TXNL4A: variants seen among roughly 807,000 people sequenced by gnomAD.
TXNL4A encodes the protein thioredoxin like 4A.
TXNL4A carries 17 observed loss-of-function variants against 14.6 expected under a neutral mutation model. That is an observed-to-expected ratio of 1.16 (90% CI 0.80 to 1.74). TXNL4A has a LOEUF of 1.74. Among genes scored for constraint, TXNL4A ranks in the 40% most tolerant of loss-of-function variants. The pLI is 0.00. For synonymous variants in TXNL4A, 83 were observed against 70.6 expected (o/e 1.18, Z -0.88); for missense variants, 74 against 195.2 (o/e 0.38, Z 3.70).
chr18:80,005,040 G>A (rs1177357628), intron 1 of TXNL4A, among the ~76,000 whole-genome samples: 6 of 152,250 alleles, frequency 3.9e-5, no homozygotes, highest in Non-Finnish European at 5.9e-5. Context: ...CCGCTTATGT[G>A]AAGTTCAAAC....
At chr18:80,022,096 G>C (rs962331271) in intron 1 of TXNL4A, among the ~76,000 whole-genome samples, 2 of 152,044 alleles carry the variant, frequency 1.3e-5, no homozygotes, top group Admixed American at 1.3e-4. Flanking sequence ...TATTTATTAG[G>C]GTTATTAGAG....
chr18:79,998,409 T>A (rs1329642844), intron 1 of TXNL4A, among the ~76,000 whole-genome samples: 2 of 151,766 alleles, frequency 1.3e-5, no homozygotes, highest in East Asian at 3.9e-4. Flanking sequence ...TGAGGGACAA[T>A]CAGCTGTACA....
intron 1 of TXNL4A, among the ~76,000 whole-genome samples, chr18:80,012,932 C>T (rs1321727399): frequency 9.2e-5 from 14 of 151,788 alleles, no homozygotes; most frequent in Non-Finnish European, 1.6e-4. Context: ...TCGCCCGTCA[C>T]GCAACGCACG....
chr18:80,018,373 A>G (rs538432822), intron 1 of TXNL4A, among the ~76,000 whole-genome samples: 7 of 152,344 alleles, frequency 4.6e-5, no homozygotes, highest in Admixed American at 1.3e-4. Flanking sequence ...AATGCCCACA[A>G]GAGAAAGCAC....
chr18:80,027,360 T>G (rs901701149), intron 1 of TXNL4A, among the ~76,000 whole-genome samples: 1 of 151,998 alleles, frequency 6.6e-6, no homozygotes, highest in Non-Finnish European at 1.5e-5. Context: ...GATGGAGATT[T>G]GTACAGGACT....
At chr18:79,976,442 C>A (rs1246069712) in intron 2 of TXNL4A, among the ~76,000 whole-genome samples, 1 of 152,134 alleles carries the variant, frequency 6.6e-6, no homozygotes, top group East Asian at 1.9e-4. Flanking sequence ...CAGGTAACAG[C>A]AGCAAGGAAG....
At position 79,993,710 on chromosome 18, in the gene TXNL4A, A is replaced by G. The variant is rs2051642416; in HGVS notation, c.-60-16009T>C. Among the ~76,000 whole-genome samples, 1 of 152,308 alleles carries G rather than the reference A, an allele frequency of 6.6e-6. No homozygotes were observed. The highest frequency in any genetic ancestry group is 1.9e-4 in the East Asian group (1 of 5,184). On this transcript the variant is annotated intron_variant, in intron 1 of 2. Transcript: ENST00000585474. The surrounding 1 kb of genome is among the most constrained non-coding windows in gnomAD (Gnocchi z 4.4). The stretch of plus-strand genomic sequence containing the variant: ...TGAGTGTGGAATTTTCTAAAGAAAT[A>G]AGAGCACTTTACTCCCCTCAGCCTT...
At chr18:79,996,403 C>A (rs2051662739) in intron 1 of TXNL4A, among the ~76,000 whole-genome samples, 1 of 152,170 alleles carries the variant, frequency 6.6e-6, no homozygotes, top group Non-Finnish European at 1.5e-5. Flanking sequence ...GTGGCTGTGT[C>A]TAATAAAACT....
chr18:79,997,401 A>C (rs2051670166), intron 1 of TXNL4A, among the ~76,000 whole-genome samples: 1 of 149,064 alleles, frequency 6.7e-6, no homozygotes, highest in African/African-American at 2.5e-5. Flanking sequence ...AAAACAAAAA[A>C]AAACAAGCAG....
intron 1 of TXNL4A, among the ~76,000 whole-genome samples, chr18:80,012,834 T>A (rs1248875304): frequency 3.3e-5 from 5 of 152,180 alleles, no homozygotes; most frequent in Non-Finnish European, 7.4e-5. Flanking sequence ...CATTAAATTT[T>A]TTTTTTTTTT....
chr18:79,991,862 C>T (rs959105668), upstream of TXNL4A, among the ~76,000 whole-genome samples: 1 of 152,170 alleles, frequency 6.6e-6, no homozygotes, highest in Non-Finnish European at 1.5e-5. Flanking sequence ...ATGACACTGC[C>T]TCAGGAGGTC....
chr18:79,999,030 G>A (rs554351894), intron 1 of TXNL4A, among the ~76,000 whole-genome samples: 14 of 152,218 alleles, frequency 9.2e-5, no homozygotes, highest in South Asian at 6.2e-4. Context: ...AATTAAAGCC[G>A]GTCCTCTTCC....
At chr18:79,977,855 G>C in intron 1 of TXNL4A, 154 bp from the exon 2 acceptor site, 2 of 614,738 alleles carry the variant, frequency 3.3e-6, no homozygotes, top group South Asian at 4.0e-5. Context: ...TGTCATCCTA[G>C]AGTGCAATGG....
intron 2 of TXNL4A, among the ~76,000 whole-genome samples, chr18:79,975,764 G>A (rs1035974086): frequency 4.6e-5 from 7 of 152,146 alleles, no homozygotes; most frequent in African/African-American, 1.4e-4. Context: ...GCAGTTATAG[G>A]AAGTCAGAGC....
At chr18:79,991,430 T>C (rs2051627890), upstream of TXNL4A, among the ~76,000 whole-genome samples, 1 of 150,754 alleles carries the variant, frequency 6.6e-6, no homozygotes, top group African/African-American at 2.4e-5. Flanking sequence ...TCAAGGTCCA[T>C]ATTGTAGCAG....
At chr18:79,974,806 T>C (rs1025904930) in intron 2 of TXNL4A, among the ~76,000 whole-genome samples, 6 of 152,142 alleles carry the variant, frequency 3.9e-5, no homozygotes, top group Non-Finnish European at 1.5e-5. Flanking sequence ...ATGCGAGCTA[T>C]GTTGCTAAGG....
intron 1 of TXNL4A, among the ~76,000 whole-genome samples, chr18:80,027,062 A>G (rs1427927237): frequency 6.6e-6 from 1 of 152,176 alleles, no homozygotes; most frequent in Non-Finnish European, 1.5e-5. Flanking sequence ...TTACACCAGA[A>G]GCAGAACGCT....
At position 79,972,269 on chromosome 18, in the gene TXNL4A, C is replaced by T. The variant is rs62101235; in HGVS notation, c.*1416G>A. 0.12 allele frequency: 18,470 copies of T among 152,208 alleles called. 2,014 individuals are homozygous for T. Among genetic ancestry groups the T allele is most frequent in the East Asian group, 0.44 (2,253 of 5,150 alleles). 9.4% of individuals were successfully genotyped at this position (152,208 alleles called of 1,614,324 possible). A position where few individuals can be genotyped will look rare whatever the true frequency, so the allele number is the denominator to read the frequency against. ...ACAAAGCTCAGAGAAGGTACCCTGC[C>T]CAAGGTCACTTGGTGGGGCAGAGCC... On this transcript the variant is annotated 3_prime_UTR_variant, in exon 3 of 3. Coordinates refer to ENST00000269601, the MANE Select transcript of TXNL4A (RefSeq NM_006701.5).
intron 1 of TXNL4A, among the ~76,000 whole-genome samples, chr18:80,025,162 A>C (rs951643184): frequency 2.0e-5 from 3 of 152,244 alleles, no homozygotes; most frequent in African/African-American, 7.2e-5. Context: ...ACAACAAATA[A>C]GCAACCAGAA....
Sources: allele counts gnomAD v4.1 joint callset (sites outside exome capture counted in the v4.1 genomes callset), GRCh38; gene constraint gnomAD v4.1.1; non-coding constraint Gnocchi (gnomAD v3.1); transcripts MANE v1.5; gene names NCBI Gene and HGNC (gene_info 2026-07-23, HGNC 2026-07-21).